Variants in ANKRD44 observed in about 807,000 individuals in gnomAD.
ANKRD44 encodes ankyrin repeat domain 44.
In ANKRD44, 35 loss-of-function variants were observed where a neutral mutation model predicts 116.0. That is an observed-to-expected ratio of 0.30 (90% CI 0.23 to 0.40). ANKRD44 has a LOEUF of 0.40. ANKRD44 is among the 10% of genes least tolerant of loss of function. The pLI, the probability that ANKRD44 is intolerant of heterozygous loss-of-function variation, is 1.00. For missense variants in ANKRD44, 1,014 were observed against 1,242.6 expected, an observed-to-expected ratio of 0.82 and a Z score of 2.77; for synonymous variants, 435 against 461.8, an observed-to-expected ratio of 0.94 and a Z score of 0.74.
chr2:197,076,744 G>T (rs2077675346), intron 16 of ANKRD44, among the ~76,000 whole-genome samples: 1 of 152,126 alleles, frequency 6.6e-6, no homozygotes. Flanking sequence ...TTATAAGTGA[G>T]AACATGCAGT....
chr2:196,999,649 A>G (rs2076078590), intron 23 of ANKRD44, among the ~76,000 whole-genome samples: 3 of 151,678 alleles, frequency 2.0e-5, no homozygotes, highest in Admixed American at 2.0e-4. Context: ...GCTGGAGTGC[A>G]GTGGCACAAT....
intron 16 of ANKRD44, among the ~76,000 whole-genome samples, chr2:197,051,522 T>C (rs2077107175): frequency 6.6e-6 from 1 of 152,182 alleles, no homozygotes; most frequent in Non-Finnish European, 1.5e-5. Flanking sequence ...GCCTCCTGAG[T>C]AGCTAGGACT....
chr2:197,269,091 G>GTTTTTGTTTTTT (rs377613120), intron 1 of ANKRD44, among the ~76,000 whole-genome samples: 75 of 151,580 alleles, frequency 4.9e-4, no homozygotes, highest in East Asian at 1.9e-3. Context: ...TTTTGTTTTT[G>GTTTTTGTTTTTT]TTTTTGATCT....
intron 9 of ANKRD44, among the ~76,000 whole-genome samples, chr2:197,100,874 CT>C (rs911322795): frequency 6.6e-6 from 1 of 151,954 alleles, no homozygotes; most frequent in Non-Finnish European, 1.5e-5. Context: ...CACTAAATTT[CT>C]TTTTTTCTCT....
chr2:197,263,928 T>C (rs2082676127), intron 1 of ANKRD44, among the ~76,000 whole-genome samples: 2 of 139,470 alleles, frequency 1.4e-5, no homozygotes, highest in Non-Finnish European at 1.5e-5. Flanking sequence ...CGGAATAAGA[T>C]GTTTTCAACT....
chr2:197,189,384 G>A (rs1039031376), intron 1 of ANKRD44, among the ~76,000 whole-genome samples: 1 of 152,194 alleles, frequency 6.6e-6, no homozygotes, highest in Non-Finnish European at 1.5e-5. Context: ...CAGGAAAGAA[G>A]TCTTGAAAAG....
At chr2:197,240,406 A>T (rs538721480) in intron 1 of ANKRD44, among the ~76,000 whole-genome samples, 1 of 150,628 alleles carries the variant, frequency 6.6e-6, no homozygotes, top group African/African-American at 2.4e-5. Context: ...CCAAGCCAAG[A>T]CCTTCTTTTA....
chr2:197,137,664 A>G (rs368980962), intron 3 of ANKRD44, among the ~76,000 whole-genome samples: 3 of 152,312 alleles, frequency 2.0e-5, no homozygotes, highest in Admixed American at 1.3e-4. Flanking sequence ...ATCACAGAAA[A>G]CAAGAACATA....
rs531781800 is a variant in ANKRD44 at position 197,033,524 on chromosome 2, T to C, written c.1651-8257A>G. ...AGCCAGTAAAGGACAGACTAGGGAA[T>C]TGAACCTATATCTAACCTAAAACCC... On this transcript the variant is annotated intron_variant, in intron 16 of 27. Coordinates refer to ENST00000282272, the MANE Select transcript of ANKRD44 (RefSeq NM_001195144.2). Among the ~76,000 whole-genome samples the C allele has an allele frequency of 5.3e-5, 8 of 152,320 alleles. No individual in the cohort carries two copies. In the South Asian group the frequency reaches 6.2e-4, roughly 12 times the overall value.
At chr2:197,302,199 G>C (rs1403138202) in intron 1 of ANKRD44, 2 of 152,536 alleles carry the variant, frequency 1.3e-5, no homozygotes, top group African/African-American at 4.8e-5. Flanking sequence ...GATGAGCTGA[G>C]TGCAGAGGTC....
intron 10 of ANKRD44, among the ~76,000 whole-genome samples, chr2:197,091,598 A>G (rs1290284460): frequency 2.0e-5 from 3 of 152,170 alleles, no homozygotes; most frequent in South Asian, 2.1e-4. Flanking sequence ...GGCTCAAGCA[A>G]TCCACCTACC....
intron 20 of ANKRD44, 98 bp from the exon 21 acceptor site, chr2:197,006,008 T>C: frequency 1.8e-6 from 2 of 1,110,274 alleles, no homozygotes; most frequent in Non-Finnish European, 2.7e-6. Flanking sequence ...AGTGGACATA[T>C]GCCTGGGTCT....
chr2:197,028,470 C>T (rs937071182), intron 16 of ANKRD44, among the ~76,000 whole-genome samples: 9 of 152,270 alleles, frequency 5.9e-5, no homozygotes, highest in Non-Finnish European at 1.3e-4. Context: ...CTATGATGGT[C>T]GTCAACATCC....
intron 16 of ANKRD44, among the ~76,000 whole-genome samples, chr2:197,027,089 G>A (rs561019441): frequency 1.4e-4 from 22 of 151,948 alleles, no homozygotes; most frequent in Admixed American, 1.3e-3. Flanking sequence ...GGCCAGGTGC[G>A]GTGGCTCATG....
chr2:197,096,191 C>T (rs556531773), intron 10 of ANKRD44, among the ~76,000 whole-genome samples: 4 of 152,246 alleles, frequency 2.6e-5, no homozygotes, highest in African/African-American at 9.6e-5. Context: ...GATTGTATTG[C>T]TTGTTTAAAT....
chr2:197,212,093 G>A lies in ANKRD44; in HGVS notation c.28-24987C>T, dbSNP rs76077051. 3.3e-3 allele frequency among the ~76,000 whole-genome samples: 501 copies of A among 151,774 alleles called. 4 individuals are homozygous for A. Among genetic ancestry groups the A allele is most frequent in the African/African-American group, 0.011 (473 of 41,404 alleles). ...ACACACACCCCACAGCACCACTTTG[G>A]GGGAAGGAGAGGAGATATTGCAGAG... On this transcript the variant is annotated intron_variant, in intron 1 of 27. Coordinates refer to ENST00000282272, the MANE Select transcript of ANKRD44 (RefSeq NM_001195144.2). This position sits in a 1 kb window ranked among gnomAD's most constrained non-coding sequence, Gnocchi z 4.8.
In ANKRD44 at chr2:197,013,690, G is replaced by T. The variant is rs776570010; in HGVS notation, c.1745C>A (p.Ala582Asp). 6.2e-7 allele frequency: 1 copy of T among 1,613,136 alleles called. No homozygotes were observed. Among genetic ancestry groups the T allele is most frequent in the Non-Finnish European group, 8.5e-7 (1 of 1,180,040 alleles). ...CAACGACTGCAGAAGGACTTCCAAG[G>T]CTTGATGGTGCCCATTGTAGGCCTG... ...HLAAYNGHHQ[A>D]LEVLLQSLVD... The change falls in exon 18 of 28, where the codon GCC becomes GAC. Residue 582 changes from alanine (A) to aspartate (D), a missense_variant. Transcript: ENST00000282272.
At chr2:197,131,835 C>T (rs568708859) in intron 4 of ANKRD44, among the ~76,000 whole-genome samples, 1 of 152,224 alleles carries the variant, frequency 6.6e-6, no homozygotes, top group Non-Finnish European at 1.5e-5. Context: ...ACCAAGTGGG[C>T]TTCCATAAAC....
At position 197,061,618 on chromosome 2, in the gene ANKRD44, G is replaced by A. The variant is rs377541708; in HGVS notation, c.1650+17085C>T. 2.6e-5 allele frequency among the ~76,000 whole-genome samples: 4 copies of A among 152,332 alleles called. No individual in the cohort carries two copies. In the South Asian group the frequency reaches 8.3e-4, roughly 32 times the overall value. ...GAATTGGAGCAGAGCCAGAGCTCCTGCAGAATATGGGGGCAGGGCCAAAGA... is the reference window on the plus strand; with the variant it reads ...GAATTGGAGCAGAGCCAGAGCTCCTACAGAATATGGGGGCAGGGCCAAAGA... On this transcript the variant is annotated intron_variant, in intron 16 of 27. Coordinates refer to ENST00000282272, the MANE Select transcript of ANKRD44 (RefSeq NM_001195144.2).
Sources: allele counts gnomAD v4.1 joint callset (sites outside exome capture counted in the v4.1 genomes callset), GRCh38; gene constraint gnomAD v4.1.1; non-coding constraint Gnocchi (gnomAD v3.1); transcripts MANE v1.5; gene names NCBI Gene and HGNC (gene_info 2026-07-23, HGNC 2026-07-21).